ARHGAP15: variants seen among roughly 807,000 people sequenced by gnomAD.
The protein encoded by ARHGAP15 is Rho GTPase activating protein 15, also known as rho GTPase-activating protein 15.
ARHGAP15 carries 51 observed loss-of-function variants against 63.7 expected under a neutral mutation model. The observed-to-expected ratio is 0.80, with a 90% CI of 0.64 to 1.01. The LOEUF is 1.01. Ranked by LOEUF, ARHGAP15 falls within the 50% of genes least tolerant of loss-of-function variation. The pLI is 0.00. For synonymous variants in ARHGAP15, 191 were observed against 193.8 expected, an observed-to-expected ratio of 0.99 and a Z score of 0.12; for missense variants, 560 against 564.6, an observed-to-expected ratio of 0.99 and a Z score of 0.08.
At chr2:143,339,017 G>A (rs1242860378) in intron 6 of ARHGAP15, among the ~76,000 whole-genome samples, 1 of 152,020 alleles carries the variant, frequency 6.6e-6, no homozygotes, top group East Asian at 1.9e-4. Flanking sequence ...ATGAGGTAAT[G>A]TGTTCTTTGT....
At chr2:143,356,869 C>T (rs546723494) in intron 6 of ARHGAP15, among the ~76,000 whole-genome samples, 5 of 152,238 alleles carry the variant, frequency 3.3e-5, no homozygotes, top group Admixed American at 2.0e-4. Context: ...TATTAGATCC[C>T]GCCTTAGTTA....
At chr2:143,320,002 A>T (rs1222726531) in intron 6 of ARHGAP15, among the ~76,000 whole-genome samples, 1 of 151,944 alleles carries the variant, frequency 6.6e-6, no homozygotes, top group Non-Finnish European at 1.5e-5. Context: ...ACTTATCTAC[A>T]TTTTTTCAGA....
At chr2:143,663,350 C>T (rs1475640069) in intron 12 of ARHGAP15, among the ~76,000 whole-genome samples, 1 of 151,288 alleles carries the variant, frequency 6.6e-6, no homozygotes, top group Non-Finnish European at 1.5e-5. Flanking sequence ...AAATACTTTA[C>T]AGACAAGCAA....
intron 6 of ARHGAP15, among the ~76,000 whole-genome samples, chr2:143,293,994 A>G (rs892036244): frequency 2.6e-5 from 4 of 152,060 alleles, no homozygotes; most frequent in Non-Finnish European, 4.4e-5. Context: ...ATGTAACTCA[A>G]TGGTAAATTA....
intron 11 of ARHGAP15, among the ~76,000 whole-genome samples, chr2:143,562,464 G>A (rs551229062): frequency 3.9e-5 from 6 of 152,258 alleles, no homozygotes; most frequent in Non-Finnish European, 7.4e-5. Flanking sequence ...ATTTCCTTAA[G>A]CCTGCTCTAC....
chr2:143,291,317 C>T (rs116832462), intron 6 of ARHGAP15, among the ~76,000 whole-genome samples: 1 of 152,052 alleles, frequency 6.6e-6, no homozygotes, highest in Non-Finnish European at 1.5e-5. Flanking sequence ...ACATTAGACA[C>T]TACCTGTCCC....
intron 10 of ARHGAP15, among the ~76,000 whole-genome samples, chr2:143,552,437 A>C (rs1695605300): frequency 6.6e-6 from 1 of 152,162 alleles, no homozygotes; most frequent in Non-Finnish European, 1.5e-5. Context: ...CAAAGTGTCT[A>C]AGATTTATGG....
intron 6 of ARHGAP15, among the ~76,000 whole-genome samples, chr2:143,253,766 T>C (rs1038271190): frequency 2.7e-5 from 4 of 150,664 alleles, no homozygotes; most frequent in Non-Finnish European, 5.9e-5. Flanking sequence ...AAAATATATA[T>C]GCAAATATAC....
chr2:143,432,636 C>T (rs137881689), intron 6 of ARHGAP15, among the ~76,000 whole-genome samples: 34 of 152,084 alleles, frequency 2.2e-4, no homozygotes, highest in South Asian at 8.3e-4. Flanking sequence ...TCAGTGGACA[C>T]GCTTCTATAA....
chr2:143,442,062 C>T (rs539174155), intron 8 of ARHGAP15, among the ~76,000 whole-genome samples: 2 of 152,206 alleles, frequency 1.3e-5, no homozygotes, highest in Admixed American at 6.5e-5. Flanking sequence ...TAAAATGCTA[C>T]GGACTTTTAA....
At chr2:143,704,202 C>A (rs995520067) in intron 13 of ARHGAP15, among the ~76,000 whole-genome samples, 1 of 152,094 alleles carries the variant, frequency 6.6e-6, no homozygotes, top group Non-Finnish European at 1.5e-5. Context: ...GATTTGGATT[C>A]TATTCTAAAT....
At chr2:143,361,114 T>A (rs531484935) in intron 6 of ARHGAP15, among the ~76,000 whole-genome samples, 1 of 152,202 alleles carries the variant, frequency 6.6e-6, no homozygotes, top group Non-Finnish European at 1.5e-5. Context: ...AGAGAGAAGC[T>A]ATATCTATAG....
intron 2 of ARHGAP15, 104 bp from the exon 3 acceptor site, chr2:143,202,030 A>T (rs1426093992): frequency 1.1e-6 from 1 of 873,646 alleles, no homozygotes; most frequent in Admixed American, 2.0e-5. Context: ...TATCTACTTA[A>T]TTCACATGCT....
At chr2:143,256,383 A>G (rs1014445797) in intron 6 of ARHGAP15, among the ~76,000 whole-genome samples, 2 of 152,090 alleles carry the variant, frequency 1.3e-5, no homozygotes, top group African/African-American at 4.8e-5. Context: ...TTTAATACAC[A>G]ACATGAAAAT....
At chr2:143,272,015 G>T (rs575083548) in intron 6 of ARHGAP15, among the ~76,000 whole-genome samples, 8 of 152,306 alleles carry the variant, frequency 5.3e-5, no homozygotes, top group African/African-American at 1.9e-4. Flanking sequence ...TAATTCCCTA[G>T]AAGAATGAAC....
At chr2:143,161,722 G>A (rs1326276149) in intron 2 of ARHGAP15, among the ~76,000 whole-genome samples, 1 of 151,930 alleles carries the variant, frequency 6.6e-6, no homozygotes, top group Non-Finnish European at 1.5e-5. Flanking sequence ...AGGTAGAGAG[G>A]AAAGCAACAA....
chr2:143,703,525 G>A lies in ARHGAP15; in HGVS notation c.1244+1G>A, dbSNP rs751988795. The A allele has an allele frequency of 1.1e-5, 18 of 1,596,094 alleles. No individual in the cohort carries two copies. The highest frequency in any genetic ancestry group is 1.5e-5 in the Non-Finnish European group (18 of 1,171,038). On this transcript the variant is annotated splice_donor_variant, in intron 13 of 13. Transcript: ENST00000295095. LOFTEE classifies it high-confidence loss of function. ...AAGTCCTCTTTGGACATCTAACTAA[G>A]TAAGTTGTAAGGATTTCTGGATGTG...
Position 143,397,346 on chromosome 2 carries a change from G to GTA in ARHGAP15, c.475-38245_475-38244dup, listed in dbSNP as rs1259268598. 2.8e-3 allele frequency among the ~76,000 whole-genome samples: 364 copies of GTA among 129,444 alleles called. 3 individuals carry two copies. Among genetic ancestry groups the GTA allele is most frequent in the South Asian group, 0.011 (43 of 3,818 alleles). 84.9% of individuals were successfully genotyped at this position (129,444 alleles called of 152,430 possible). On this transcript the variant is annotated intron_variant, in intron 6 of 13. Transcript: ENST00000295095. The stretch of plus-strand genomic sequence containing the variant: ...TGTGTGTGTGTGTGTGTGTGTGTGT[G>GTA]TATATATATATCTCCAACCTTAGTT...
intron 13 of ARHGAP15, among the ~76,000 whole-genome samples, chr2:143,730,611 T>G (rs1276518501): frequency 6.6e-6 from 1 of 152,038 alleles, no homozygotes; most frequent in African/African-American, 2.4e-5. Flanking sequence ...CAGCTAGAAA[T>G]AGAGTTCAAA....
Sources: allele counts gnomAD v4.1 joint callset (sites outside exome capture counted in the v4.1 genomes callset), GRCh38; gene constraint gnomAD v4.1.1; transcripts MANE v1.5; gene names NCBI Gene and HGNC (gene_info 2026-07-23, HGNC 2026-07-21).